FHIT: variants seen among roughly 807,000 people sequenced by gnomAD.
FHIT encodes bis(5'-adenosyl)-triphosphatase.
FHIT carries 19 observed loss-of-function variants against 17.9 expected under a neutral mutation model. The ratio of observed to expected loss-of-function variants is 1.06; its 90% CI spans 0.74 to 1.56. The LOEUF is 1.56. Among genes scored for constraint, FHIT ranks in the 40% most tolerant of loss-of-function variants. FHIT has a pLI of 0.00. For synonymous variants in FHIT, 81 were observed against 69.7 expected (o/e 1.16, Z -0.81); for missense variants, 248 against 189.2 (o/e 1.31, Z -1.82).
At chr3:59,927,005 A>T (rs1279697896) in intron 7 of FHIT, among the ~76,000 whole-genome samples, 3 of 152,258 alleles carry the variant, frequency 2.0e-5, no homozygotes, top group Non-Finnish European at 4.4e-5. Flanking sequence ...ATATGTCCAC[A>T]CAAAAACTTG....
At chr3:60,299,237 T>G (rs1362509840) in intron 5 of FHIT, among the ~76,000 whole-genome samples, 2 of 152,132 alleles carry the variant, frequency 1.3e-5, no homozygotes, top group East Asian at 3.9e-4. Flanking sequence ...ATTGCTGATT[T>G]TCAAATAAAC....
chr3:61,020,887 TC>T (rs2032386614), intron 3 of FHIT, among the ~76,000 whole-genome samples: 1 of 152,124 alleles, frequency 6.6e-6, no homozygotes, highest in Non-Finnish European at 1.5e-5. Context: ...GCAATACTAG[TC>T]TCTGATAAAA....
At chr3:60,808,411 A>C (rs1559738920) in intron 4 of FHIT, among the ~76,000 whole-genome samples, 1 of 152,150 alleles carries the variant, frequency 6.6e-6, no homozygotes, top group Non-Finnish European at 1.5e-5. Flanking sequence ...TGAGATGTGT[A>C]GTCTGGAAAT....
chr3:61,163,164 C>A (rs2037744533), intron 2 of FHIT, among the ~76,000 whole-genome samples: 1 of 152,154 alleles, frequency 6.6e-6, no homozygotes, highest in South Asian at 2.1e-4. Context: ...GCTTCTGGAC[C>A]TAGTTAATTC....
intron 8 of FHIT, among the ~76,000 whole-genome samples, chr3:59,818,665 G>A (rs1246310003): frequency 2.0e-5 from 3 of 152,156 alleles, no homozygotes; most frequent in Admixed American, 6.5e-5. Flanking sequence ...TGTGAGCACC[G>A]CAGATGTAAC....
chr3:60,710,073 C>T (rs1371625706), intron 4 of FHIT, among the ~76,000 whole-genome samples: 2 of 88,718 alleles, frequency 2.3e-5, no homozygotes, highest in African/African-American at 8.3e-5. Context: ...ACACAGAATG[C>T]TAAAAAAAAA....
intron 8 of FHIT, among the ~76,000 whole-genome samples, chr3:59,840,990 C>G (rs1701513843): frequency 6.6e-6 from 1 of 152,092 alleles, no homozygotes; most frequent in Admixed American, 6.5e-5. Context: ...ATTAAAACAC[C>G]CAGGAACCAA....
intron 4 of FHIT, among the ~76,000 whole-genome samples, chr3:60,646,948 AG>A (rs2039874284): frequency 6.6e-6 from 1 of 152,236 alleles, no homozygotes; most frequent in African/African-American, 2.4e-5. Flanking sequence ...CAGCAATCAC[AG>A]TGCTCTAGTT....
intron 5 of FHIT, among the ~76,000 whole-genome samples, chr3:60,240,800 A>C (rs1460774275): frequency 6.6e-6 from 1 of 152,150 alleles, no homozygotes; most frequent in Non-Finnish European, 1.5e-5. Flanking sequence ...CTTTGCAGTT[A>C]GCTTCAAAAC....
chr3:59,983,170 C>A (rs551652139), intron 7 of FHIT, among the ~76,000 whole-genome samples: 1 of 152,160 alleles, frequency 6.6e-6, no homozygotes, highest in East Asian at 1.9e-4. Flanking sequence ...AACTCCTGAG[C>A]TCAAGCAGTC....
At chr3:60,897,574 T>C (rs1705893779) in intron 3 of FHIT, among the ~76,000 whole-genome samples, 1 of 152,206 alleles carries the variant, frequency 6.6e-6, no homozygotes, top group South Asian at 2.1e-4. Context: ...AGCAATTTCT[T>C]ATACTGGCTA....
intron 3 of FHIT, among the ~76,000 whole-genome samples, chr3:61,014,316 T>A (rs1401222763): frequency 1.3e-5 from 2 of 152,156 alleles, no homozygotes; most frequent in African/African-American, 4.8e-5. Context: ...CTGGCAAGCA[T>A]CACTATTTGC....
chr3:60,305,452 G>T (rs1348016320), intron 5 of FHIT, among the ~76,000 whole-genome samples: 1 of 151,980 alleles, frequency 6.6e-6, no homozygotes, highest in Non-Finnish European at 1.5e-5. Context: ...TCTCTTCCAG[G>T]TTCTGTTTCA....
intron 5 of FHIT, among the ~76,000 whole-genome samples, chr3:60,130,158 C>A (rs1334081889): frequency 6.6e-6 from 1 of 152,090 alleles, no homozygotes; most frequent in East Asian, 1.9e-4. Flanking sequence ...ATTAAAGGTG[C>A]AAAGGGAAAG....
intron 2 of FHIT, among the ~76,000 whole-genome samples, chr3:61,170,886 G>C (rs572047559): frequency 3.0e-4 from 46 of 152,038 alleles, no homozygotes; most frequent in Non-Finnish European, 5.4e-4. Flanking sequence ...CAGGTATATA[G>C]CCAAGATTTT....
At chr3:60,619,409 G>C (rs2039049777) in intron 4 of FHIT, among the ~76,000 whole-genome samples, 1 of 152,088 alleles carries the variant, frequency 6.6e-6, no homozygotes, top group Non-Finnish European at 1.5e-5. Flanking sequence ...TTCAGAATAT[G>C]CAAGACAATA....
chr3:60,934,308 A>G (rs1708092445), intron 3 of FHIT, among the ~76,000 whole-genome samples: 1 of 152,204 alleles, frequency 6.6e-6, no homozygotes, highest in African/African-American at 2.4e-5. Context: ...AGAAAAAATA[A>G]CTGGATCCCA....
At chr3:59,907,581 ACATGAGTGGGCACGTGCATG>A (rs1459670016) in intron 8 of FHIT, among the ~76,000 whole-genome samples, 1 of 152,238 alleles carries the variant, frequency 6.6e-6, no homozygotes, top group African/African-American at 2.4e-5. Context: ...GTGCATGTGT[ACATGAGTGGGCACGTGCATG>A]CATGTGTGTG....
intron 5 of FHIT, among the ~76,000 whole-genome samples, chr3:60,278,291 T>G (rs1427266827): frequency 6.6e-6 from 1 of 152,188 alleles, no homozygotes; most frequent in Non-Finnish European, 1.5e-5. Context: ...CCCAGATTGT[T>G]CTCTGTAAGA....
Sources: allele counts gnomAD v4.1 joint callset (sites outside exome capture counted in the v4.1 genomes callset), GRCh38; gene constraint gnomAD v4.1.1; transcripts MANE v1.5; gene names NCBI Gene and HGNC (gene_info 2026-07-23, HGNC 2026-07-21).